ARHGAP28: variants seen among roughly 807,000 people sequenced by gnomAD.
ARHGAP28 encodes the protein Rho GTPase activating protein 28.
Under a neutral mutation model 90.7 loss-of-function variants are expected in ARHGAP28, and 56 were observed. The ratio of observed to expected loss-of-function variants is 0.62; its 90% CI spans 0.50 to 0.77. ARHGAP28 has a LOEUF of 0.77. ARHGAP28 is among the 30% of genes least tolerant of loss of function. The pLI, the probability that ARHGAP28 is intolerant of heterozygous loss-of-function variation, is 0.00. For synonymous variants in ARHGAP28, 308 were observed against 323.3 expected (o/e 0.95, Z 0.51); for missense variants, 869 against 900.9 (o/e 0.96, Z 0.45).
At chr18:6,878,959 A>T (rs546218996) in intron 10 of ARHGAP28, among the ~76,000 whole-genome samples, 85 of 152,312 alleles carry the variant, frequency 5.6e-4, no homozygotes, top group African/African-American at 2.0e-3. Flanking sequence ...CTCGGATTGA[A>T]CCAAGTCGAT....
In ARHGAP28 at chr18:6,729,808, A is replaced by T. The variant is rs756295199; in HGVS notation, c.-14A>T. 1.4e-6 allele frequency: 2 copies of T among 1,399,470 alleles called. No homozygotes were observed. Among genetic ancestry groups the T allele is most frequent in the African/African-American group, 3.0e-5 (2 of 66,772 alleles). 86.7% of individuals were successfully genotyped at this position (1,399,470 alleles called of 1,614,324 possible). A position where few individuals can be genotyped will look rare whatever the true frequency, so the allele number is the denominator to read the frequency against. On this transcript the variant is annotated 5_prime_UTR_variant, in exon 1 of 18. An upstream start codon of the reference 5' UTR is lost. Coordinates refer to ENST00000383472, the MANE Select transcript of ARHGAP28 (RefSeq NM_001366230.1). ...TTTGTTCTGGGGCCGGCGCCGAGAC[A>T]TGCGCGGCTGACGATGGAGGTGGAG...
At chr18:6,783,233 C>T (rs2056339031) in intron 1 of ARHGAP28, among the ~76,000 whole-genome samples, 2 of 152,088 alleles carry the variant, frequency 1.3e-5, no homozygotes, top group African/African-American at 4.8e-5. Flanking sequence ...AATAAACAGA[C>T]TCACTGCAGT....
chr18:6,771,141 A>G (rs1567941836), intron 1 of ARHGAP28, among the ~76,000 whole-genome samples: 2 of 151,956 alleles, frequency 1.3e-5, no homozygotes, highest in Admixed American at 6.6e-5. Context: ...GGCTCAAGCA[A>G]TCCTCCTGCC....
At chr18:6,880,684 G>A (rs1361469181) in intron 10 of ARHGAP28, among the ~76,000 whole-genome samples, 2 of 152,162 alleles carry the variant, frequency 1.3e-5, no homozygotes, top group African/African-American at 4.8e-5. Flanking sequence ...CACTGCTTGA[G>A]CAGGATCCCC....
At chr18:6,797,986 T>A (rs1398332706) in intron 1 of ARHGAP28, among the ~76,000 whole-genome samples, 3 of 152,186 alleles carry the variant, frequency 2.0e-5, no homozygotes, top group African/African-American at 4.8e-5. Context: ...AACACATTTT[T>A]AAAAACATTA....
rs1393828582 is a variant in ARHGAP28 at position 6,729,769 on chromosome 18, T to C, written c.-53T>C. Reference sequence around the variant, plus strand: ...GACAGCCTCCCGGCGCGCCGGTCCATGCTGGTCCCGGTCTTTGTTCTGGGG... The same window carrying C: ...GACAGCCTCCCGGCGCGCCGGTCCACGCTGGTCCCGGTCTTTGTTCTGGGG... On this transcript the variant is annotated 5_prime_UTR_variant, in exon 1 of 18. It removes an upstream start codon present in the reference 5' UTR. Coordinates refer to ENST00000383472, the MANE Select transcript of ARHGAP28 (RefSeq NM_001366230.1). 2.2e-6 allele frequency: 3 copies of C among 1,338,092 alleles called. No individual in the cohort carries two copies. The African/African-American group carries it at 4.6e-5, about 20-fold the overall frequency. The allele number at this position is 1,338,092 out of a possible 1,614,324, so 82.9% of individuals were successfully genotyped here.
At chr18:6,884,558 A>G (rs926698992) in intron 11 of ARHGAP28, among the ~76,000 whole-genome samples, 1 of 152,184 alleles carries the variant, frequency 6.6e-6, no homozygotes, top group African/African-American at 2.4e-5. Context: ...ATTTCTCCAA[A>G]GAATGTTGTT....
At chr18:6,854,080 G>T (rs555610077) in intron 4 of ARHGAP28, among the ~76,000 whole-genome samples, 1 of 151,930 alleles carries the variant, frequency 6.6e-6, no homozygotes, top group African/African-American at 2.4e-5. Flanking sequence ...TTACATGAAA[G>T]TTGAACCAGA....
At chr18:6,866,550 C>A (rs2057039452) in intron 5 of ARHGAP28, among the ~76,000 whole-genome samples, 1 of 152,218 alleles carries the variant, frequency 6.6e-6, no homozygotes, top group East Asian at 1.9e-4. Flanking sequence ...CCCTCTCAAT[C>A]GCTCTCCAAT....
intron 10 of ARHGAP28, among the ~76,000 whole-genome samples, chr18:6,878,258 C>T (rs2057148667): frequency 6.7e-6 from 1 of 148,836 alleles, no homozygotes; most frequent in African/African-American, 2.5e-5. Context: ...AAAAACCAAA[C>T]ACCGCATGTT....
intron 11 of ARHGAP28, among the ~76,000 whole-genome samples, chr18:6,884,661 GTGTTCAGT>G (rs965607203): frequency 6.6e-6 from 1 of 152,164 alleles, no homozygotes; most frequent in African/African-American, 2.4e-5. Flanking sequence ...GCTCAACTGT[GTGTTCAGT>G]TGTTCAATCC....
intron 1 of ARHGAP28, chr18:6,790,858 A>C (rs997367286): frequency 2.0e-5 from 3 of 152,142 alleles, no homozygotes; most frequent in African/African-American, 7.2e-5. Flanking sequence ...CTGGAGTGTG[A>C]GATTTTCCAG....
chr18:6,874,049 C>T lies in ARHGAP28; in HGVS notation c.1212+274C>T, dbSNP rs866277583. Among the ~76,000 whole-genome samples, 9 of 152,208 alleles carry T rather than the reference C, an allele frequency of 5.9e-5. No individual in the cohort carries two copies. The South Asian group carries it at 8.3e-4, about 14-fold the overall frequency. ...GACACAGATGGTCTGACCCAGGGCA[C>T]GAACAGTTGCATTTTTTTCCAATAT... On this transcript the variant is annotated intron_variant, in intron 9 of 17. Coordinates refer to ENST00000383472, the MANE Select transcript of ARHGAP28 (RefSeq NM_001366230.1).
At chr18:6,820,461 A>G (rs2056619292) in intron 1 of ARHGAP28, among the ~76,000 whole-genome samples, 1 of 152,200 alleles carries the variant, frequency 6.6e-6, no homozygotes, top group African/African-American at 2.4e-5. Context: ...TTGGAGTTCC[A>G]GGAGAGGAGA....
At chr18:6,765,127 A>G (rs1488302956) in intron 1 of ARHGAP28, among the ~76,000 whole-genome samples, 1 of 152,130 alleles carries the variant, frequency 6.6e-6, no homozygotes, top group Non-Finnish European at 1.5e-5. Context: ...TGTTCTGGTA[A>G]TGTCTTTGTA....
chr18:6,818,245 T>C (rs969223758), intron 1 of ARHGAP28, among the ~76,000 whole-genome samples: 2 of 152,210 alleles, frequency 1.3e-5, no homozygotes, highest in African/African-American at 2.4e-5. Context: ...TTCAGAGTTT[T>C]TGTCTAAATC....
intron 17 of ARHGAP28, among the ~76,000 whole-genome samples, chr18:6,911,450 C>CTTTTCTTTTT (rs10678754): frequency 2.0e-5 from 3 of 151,386 alleles, no homozygotes; most frequent in African/African-American, 4.9e-5. Flanking sequence ...CTTTTCTTTT[C>CTTTTCTTTTT]TTTGAGACGG....
Position 6,880,345 on chromosome 18 carries a change from A to G in ARHGAP28, c.1291-1792A>G, listed in dbSNP as rs532929448. On this transcript the variant is annotated intron_variant, in intron 10 of 17. Coordinates refer to ENST00000383472, the MANE Select transcript of ARHGAP28 (RefSeq NM_001366230.1). Reference sequence around the variant, plus strand: ...TTCTATCCTACAACTGTTTATCCAGATTAGTCCTTAGTTATCCCTCCCTGG... The same window carrying G: ...TTCTATCCTACAACTGTTTATCCAGGTTAGTCCTTAGTTATCCCTCCCTGG... Among the ~76,000 whole-genome samples the G allele has an allele frequency of 2.0e-5, 3 of 152,224 alleles. No homozygotes were observed. In the East Asian group the frequency reaches 5.8e-4, roughly 29 times the overall value.
At chr18:6,811,264 T>C (rs987068903) in intron 1 of ARHGAP28, among the ~76,000 whole-genome samples, 2 of 152,180 alleles carry the variant, frequency 1.3e-5, no homozygotes, top group African/African-American at 4.8e-5. Flanking sequence ...ATAATGTTCA[T>C]TGACTAAATG....
Sources: gnomAD v4.1 joint callset for allele counts (sites outside exome capture counted in the v4.1 genomes callset) on GRCh38, gnomAD v4.1.1 for gene constraint, MANE v1.5 for transcripts, NCBI Gene and HGNC (gene_info 2026-07-23, HGNC 2026-07-21) for gene names.